ZNF197: variants seen among roughly 807,000 people sequenced by gnomAD.
The protein encoded by ZNF197 is zinc finger protein 197.
In ZNF197, 14 loss-of-function variants were observed where a neutral mutation model predicts 27.4. The observed-to-expected ratio is 0.51, with a 90% CI of 0.34 to 0.80. The LOEUF is 0.80. Among genes scored for constraint, ZNF197 ranks in the 30% least tolerant of loss-of-function variants. The pLI is 0.02. For synonymous variants in ZNF197, 415 were observed against 420.0 expected (o/e 0.99, Z 0.15); for missense variants, 1,090 against 1,222.6 (o/e 0.89, Z 1.62).
At chr3:44,638,730 G>T (rs967413257) in intron 5 of ZNF197, among the ~76,000 whole-genome samples, 13 of 152,114 alleles carry the variant, frequency 8.5e-5, no homozygotes, top group African/African-American at 2.9e-4. Flanking sequence ...GTCTTACTCT[G>T]TTGCCCAGAC....
chr3:44,647,637 G>GAT lies in ZNF197; in HGVS notation c.*3420_*3421dup, dbSNP rs1282611333. On this transcript the variant is annotated 3_prime_UTR_variant, in exon 6 of 6. Transcript: ENST00000344387. ...TACTCTGCAATAAAATTGACTTATT[G>GAT]ATATCCATAACAACTCAAATAAATT... The GAT allele has an allele frequency of 1.3e-5, 2 of 152,080 alleles. No homozygotes were observed. Among genetic ancestry groups the GAT allele is most frequent in the African/African-American group, 4.8e-5 (2 of 41,398 alleles). 9.4% of individuals were successfully genotyped at this position (152,080 alleles called of 1,614,324 possible). A position where few individuals can be genotyped will look rare whatever the true frequency, so the allele number is the denominator to read the frequency against.
In ZNF197 at chr3:44,644,225, A is replaced by G; in HGVS notation, c.*5A>G. 2 of 1,571,914 alleles carry G rather than the reference A, an allele frequency of 1.3e-6. No individual in the cohort carries two copies. The highest frequency in any genetic ancestry group is 2.0e-5 in the Admixed American group (1 of 50,816). ...ATTGAGATTCAGAAAATCTAGTGTC[A>G]TATGTAAAATGGAATAGAATCCCTG... is the stretch of plus-strand genomic sequence containing the variant. On this transcript the variant is annotated 3_prime_UTR_variant, in exon 6 of 6. Transcript: ENST00000344387.
intron 2 of ZNF197, chr3:44,630,682 G>A (rs529901021): frequency 1.5e-4 from 54 of 362,950 alleles, no homozygotes; most frequent in African/African-American, 1.0e-3. Context: ...TAGGTAAAGG[G>A]GTCAATAAGT....
At chr3:44,635,065 G>A (rs1702207402) in intron 5 of ZNF197, among the ~76,000 whole-genome samples, 1 of 151,060 alleles carries the variant, frequency 6.6e-6, no homozygotes, top group Non-Finnish European at 1.5e-5. Context: ...TTTTAAAATA[G>A]ACTATATGGA....
intron 2 of ZNF197, 125 bp downstream of exon 2, chr3:44,629,669 TTAA>T: frequency 8.1e-7 from 1 of 1,228,696 alleles, no homozygotes; most frequent in Middle Eastern, 2.1e-4. Flanking sequence ...ACTAGCAACC[TTAA>T]TGATAATTAA....
In ZNF197 at chr3:44,647,275, A is replaced by C. The variant is rs1373327625; in HGVS notation, c.*3055A>C. ...GTAAAATCGTGAGATATCACCTATC[A>C]GAATAGCTTAACTTTTTTTTTTTAA... On this transcript the variant is annotated 3_prime_UTR_variant, in exon 6 of 6. Transcript: ENST00000344387. The C allele has an allele frequency of 6.6e-6, 1 of 150,928 alleles. No homozygotes were observed. Among genetic ancestry groups the C allele is most frequent in the African/African-American group, 2.4e-5 (1 of 40,882 alleles). 9.3% of individuals were successfully genotyped at this position (150,928 alleles called of 1,614,324 possible).
rs1702956574 is a variant in ZNF197 at position 44,646,397 on chromosome 3, G to A, written c.*2177G>A. 1.3e-6 allele frequency: 2 copies of A among 1,596,178 alleles called. No homozygotes were observed. The highest frequency in any genetic ancestry group is 8.5e-7 in the Non-Finnish European group (1 of 1,171,430). ...AACAAAATGTCACATTGCTTAGATT[G>A]AGACAGCCCACATAATGTGCCACCT... is the stretch of plus-strand genomic sequence containing the variant. On this transcript the variant is annotated 3_prime_UTR_variant, in exon 6 of 6. Coordinates refer to ENST00000344387, the MANE Select transcript of ZNF197 (RefSeq NM_006991.5).
chr3:44,643,714 A>G lies in ZNF197; in HGVS notation c.2584A>G (p.Ile862Val). 1 of 1,614,082 alleles carries G rather than the reference A, an allele frequency of 6.2e-7. No individual in the cohort carries two copies. The highest frequency in any genetic ancestry group is 8.5e-7 in the Non-Finnish European group (1 of 1,180,008). ...AGGTTTTACGTACAACAGAAACCTGATTGAACATCAAAGAATTCACAGTGG... is the reference window on the plus strand; with the variant it reads ...AGGTTTTACGTACAACAGAAACCTGGTTGAACATCAAAGAATTCACAGTGG... ...GKGFTYNRNL[I>V]EHQRIHSGEK... The change falls in exon 6 of 6, where the codon ATT (isoleucine) becomes GTT (valine). Residue 862 changes from isoleucine to valine, a missense_variant. Transcript: ENST00000344387.
In ZNF197 at chr3:44,647,768, G is replaced by A. The variant is rs1460462695; in HGVS notation, c.*3548G>A. On this transcript the variant is annotated 3_prime_UTR_variant, in exon 6 of 6. Transcript: ENST00000344387. ...GATAAAACTATAGAGATGAAAAATG[G>A]ATTAATGGTTGCCAAAGGTTAGGGA... 1 of 152,144 alleles carries A rather than the reference G, an allele frequency of 6.6e-6. No homozygotes were observed. Among genetic ancestry groups the A allele is most frequent in the Non-Finnish European group, 1.5e-5 (1 of 68,018 alleles). The allele number at this position is 152,144 out of a possible 1,614,324, so 9.4% of individuals were successfully genotyped here. A position where few individuals can be genotyped will look rare whatever the true frequency, so the allele number is the denominator to read the frequency against.
At chr3:44,637,365 C>T (rs1395434699) in intron 5 of ZNF197, among the ~76,000 whole-genome samples, 2 of 152,256 alleles carry the variant, frequency 1.3e-5, no homozygotes, top group South Asian at 2.1e-4. Flanking sequence ...TGGCCTCAAG[C>T]GATCTTCCTG....
Position 44,644,525 on chromosome 3 carries a change from C to A in ZNF197, c.*305C>A. ...TGGGGGCACACACCGGTAATCCCAGCTACTCAGGAGGCTGAGACAGGAGAG... is the reference window on the plus strand; with the variant it reads ...TGGGGGCACACACCGGTAATCCCAGATACTCAGGAGGCTGAGACAGGAGAG... On this transcript the variant is annotated 3_prime_UTR_variant, in exon 6 of 6. Coordinates refer to ENST00000344387, the MANE Select transcript of ZNF197 (RefSeq NM_006991.5). 1.2e-6 allele frequency: 1 copy of A among 822,208 alleles called. No individual in the cohort carries two copies. 50.9% of individuals were successfully genotyped at this position (822,208 alleles called of 1,614,324 possible).
intron 1 of ZNF197, 198 bp from the exon 2 acceptor site, chr3:44,628,876 C>T (rs770833113): frequency 4.1e-5 from 11 of 270,060 alleles, no homozygotes; most frequent in Non-Finnish European, 3.5e-5. Context: ...TCAGCAGTCT[C>T]GTGCGTAACA....
intron 3 of ZNF197, among the ~76,000 whole-genome samples, chr3:44,631,820 C>T (rs1702022979): frequency 6.6e-6 from 1 of 152,070 alleles, no homozygotes; most frequent in African/African-American, 2.4e-5. Flanking sequence ...CCTGCCTCAG[C>T]CTCCCGAGTA....
intron 3 of ZNF197, among the ~76,000 whole-genome samples, 176 bp from the exon 4 acceptor site, chr3:44,631,929 T>C (rs1160313628): frequency 1.3e-5 from 2 of 150,958 alleles, no homozygotes. Flanking sequence ...TCGTAATCTC[T>C]TGACCTTGGG....
chr3:44,626,620 A>G (rs1041735261), intron 1 of ZNF197, among the ~76,000 whole-genome samples: 1 of 152,264 alleles, frequency 6.6e-6, no homozygotes, highest in African/African-American at 2.4e-5. Flanking sequence ...AAATGACTCT[A>G]TATTAATTCG....
rs1299605882 is a variant in ZNF197, at chr3:44,642,274, A to G, written c.1144A>G (p.Ile382Val). ...CDMCCKHFNK[I>V]SHLINHRRIH... is the part of the protein sequence containing the mutation. ...TATGTGTTGTAAACATTTTAATAAA[A>G]TCTCCCATCTTATAAACCATCGGAG... The change falls in exon 6 of 6, where the codon ATC (isoleucine) becomes GTC (valine). Residue 382 changes from isoleucine to valine, a missense_variant. Coordinates refer to ENST00000344387, the MANE Select transcript of ZNF197 (RefSeq NM_006991.5). 1.9e-6 allele frequency: 3 copies of G among 1,613,798 alleles called. No individual in the cohort carries two copies. In the African/African-American group the frequency reaches 4.0e-5, roughly 22 times the overall value.
At position 44,625,375 on chromosome 3, in the gene ZNF197, A is replaced by AC; in HGVS notation, c.-82+234dup. The stretch of plus-strand genomic sequence containing the variant: ...GCTCCGAGTCTGTGTGTGTTTGTGG[A>AC]CCGGTGCTCCTGTCTAACGGACTCT... On this transcript the variant is annotated intron_variant, in intron 1 of 5. Coordinates refer to ENST00000344387, the MANE Select transcript of ZNF197 (RefSeq NM_006991.5). Among the ~76,000 whole-genome samples, 2 of 152,242 alleles carry AC rather than the reference A, an allele frequency of 1.3e-5. 1 individual carries two copies. The highest frequency in any genetic ancestry group is 4.2e-4 in the South Asian group (2 of 4,814).
At position 44,646,523 on chromosome 3, in the gene ZNF197, TA is replaced by T; in HGVS notation, c.*2307del. 6.8e-7 allele frequency: 1 copy of T among 1,469,440 alleles called. No homozygotes were observed. The highest frequency in any genetic ancestry group is 1.1e-5 in the South Asian group (1 of 88,180). The allele number at this position is 1,469,440 out of a possible 1,614,324, so 91.0% of individuals were successfully genotyped here. A position where few individuals can be genotyped will look rare whatever the true frequency, so the allele number is the denominator to read the frequency against. On this transcript the variant is annotated 3_prime_UTR_variant, in exon 6 of 6. Transcript: ENST00000344387. The stretch of plus-strand genomic sequence containing the variant: ...GAAATACAGGAGGCAGAGGAACAAA[TA>T]AAAGACACCACGAGAAACAGACACA...
At position 44,644,169 on chromosome 3, in the gene ZNF197, C is replaced by A. The variant is rs771092449; in HGVS notation, c.3039C>A (p.Phe1013Leu). 1.5e-5 allele frequency: 24 copies of A among 1,611,698 alleles called. No homozygotes were observed. The highest frequency in any genetic ancestry group is 1.9e-5 in the Non-Finnish European group (22 of 1,179,346). ...LQQKIHTIEEFSWLQNTNESK... is the reference protein window; with the variant it reads ...LQQKIHTIEELSWLQNTNESK... ...AGAAAATCCATACCATTGAGGAATT[C>A]TCTTGGCTACAAAACACCAATGAGT... Residue 1013 changes from phenylalanine to leucine, a missense_variant, in exon 6 of 6, where the codon TTC (phenylalanine) becomes TTA (leucine). By Grantham distance (22) the Phe-to-Leu change is conservative. Coordinates refer to ENST00000344387, the MANE Select transcript of ZNF197 (RefSeq NM_006991.5).
Sources: allele counts gnomAD v4.1 joint callset (sites outside exome capture counted in the v4.1 genomes callset), GRCh38; gene constraint gnomAD v4.1.1; transcripts MANE v1.5; gene names NCBI Gene and HGNC (gene_info 2026-07-23, HGNC 2026-07-21).